The following RELB variants were observed in gnomAD, a reference collection of about 807,000 sequenced individuals.
RELB encodes transcription factor RelB.
RELB carries 14 observed loss-of-function variants against 55.4 expected under a neutral mutation model. The observed-to-expected ratio is 0.25, with a 90% CI of 0.17 to 0.40. RELB has a LOEUF of 0.40. RELB is among the 10% of genes least tolerant of loss of function. The pLI, the probability that RELB is intolerant of heterozygous loss-of-function variation, is 1.00. For synonymous variants in RELB, 409 were observed against 371.3 expected (o/e 1.10, Z -1.17); for missense variants, 669 against 830.7 (o/e 0.81, Z 2.39).
At chr19:45,010,102 C>G (rs1971331459) in intron 3 of RELB, among the ~76,000 whole-genome samples, 1 of 151,844 alleles carries the variant, frequency 6.6e-6, no homozygotes, top group East Asian at 1.9e-4. Flanking sequence ...GAGTTCAGGA[C>G]TAGCCTGGGT....
Position 45,002,974 on chromosome 19 carries a change from G to T in RELB, c.132G>T (p.Ser44=). The T allele has an allele frequency of 6.2e-7, 1 of 1,613,216 alleles. No homozygotes were observed. The highest frequency in any genetic ancestry group is 8.5e-7 in the Non-Finnish European group (1 of 1,179,672). Residue 44 remains serine, a synonymous_variant, in exon 2 of 12, where the codon TCG becomes TCT. Coordinates refer to ENST00000221452, the MANE Select transcript of RELB (RefSeq NM_006509.4). ...GGTCCCCCGACCTCTCCTCACTCTC[G>T]CTCGCCGTTTCCAGGAGCACAGGTG... is the stretch of plus-strand genomic sequence containing the variant. ...ALGSPDLSSL[S]LAVSRSTDEL...
At chr19:45,011,057 C>T (rs1327336695) in intron 3 of RELB, among the ~76,000 whole-genome samples, 3 of 152,148 alleles carry the variant, frequency 2.0e-5, no homozygotes, top group Middle Eastern at 3.4e-3. Context: ...TCACCATGTT[C>T]GCCAGGCAGG....
At chr19:45,035,447 G>T (rs35054792) in intron 11 of RELB, among the ~76,000 whole-genome samples, 1,547 of 152,162 alleles carry the variant, frequency 0.01, 38 homozygotes, top group African/African-American at 0.035. Flanking sequence ...GAACCCAGGA[G>T]GTGAAGGTTG....
At chr19:45,034,388 C>T in intron 10 of RELB, 63 bp from the exon 11 acceptor site, 2 of 1,609,118 alleles carry the variant, frequency 1.2e-6, no homozygotes, top group Non-Finnish European at 1.7e-6. Context: ...TGCCCTGTCC[C>T]ACCCCAGGCT....
intron 8 of RELB, among the ~76,000 whole-genome samples, chr19:45,029,636 G>A (rs1971597943): frequency 6.6e-6 from 1 of 152,054 alleles, no homozygotes; most frequent in South Asian, 2.1e-4. Flanking sequence ...GATCACCTGA[G>A]GTCAGGAGTT....
intron 5 of RELB, 97 bp downstream of exon 5, chr19:45,022,307 G>T: frequency 8.0e-7 from 1 of 1,250,438 alleles, no homozygotes; most frequent in Non-Finnish European, 1.1e-6. Flanking sequence ...GGGCAGCTTG[G>T]GTAAACCCTC....
chr19:45,027,212 A>C lies in RELB; in HGVS notation c.886+1475A>C, dbSNP rs990406714. ...CGCACCACTGCACTCCAGCCCGGGC[A>C]ACAGAGCGAGACTCCTTCTCAAAAA... is the stretch of plus-strand genomic sequence containing the variant. On this transcript the variant is annotated intron_variant, in intron 7 of 11. Transcript: ENST00000221452. Among the ~76,000 whole-genome samples, 4 of 147,910 alleles carry C rather than the reference A, an allele frequency of 2.7e-5. No homozygotes were observed. In the South Asian group the frequency reaches 8.9e-4, roughly 33 times the overall value.
At chr19:45,001,849 G>C (rs1971214327) in intron 1 of RELB, among the ~76,000 whole-genome samples, 164 bp downstream of exon 1, 1 of 152,222 alleles carries the variant, frequency 6.6e-6, no homozygotes, top group Non-Finnish European at 1.5e-5. Context: ...GAAGAAGGCA[G>C]AGGGTGATGA....
intron 8 of RELB, among the ~76,000 whole-genome samples, chr19:45,032,072 T>C (rs1051901241): frequency 1.0e-3 from 154 of 151,520 alleles, no homozygotes; most frequent in Admixed American, 1.7e-3. Context: ...CCCGTCTCTA[T>C]TAAAAATACA....
At chr19:45,033,859 A>ATT (rs1971655272) in intron 9 of RELB, among the ~76,000 whole-genome samples, 1 of 150,988 alleles carries the variant, frequency 6.6e-6, no homozygotes, top group Non-Finnish European at 1.5e-5. Flanking sequence ...CCATCTTTAA[A>ATT]AAAAAAAAAA....
At position 45,034,159 on chromosome 19, in the gene RELB, A is replaced by AAAAT. The variant is rs36092616; in HGVS notation, c.1208-61_1208-58dup. On this transcript the variant is annotated intron_variant, in intron 9 of 11. Transcript: ENST00000221452. ...GGTCAACAGAGCAAGACTGTCTCTA[A>AAAAT]AAATAAATAAATAAATAAATAAATA... 10,898 of 929,956 alleles carry AAAAT rather than the reference A, an allele frequency of 0.012. 678 individuals are homozygous for AAAAT. In the African/African-American group the frequency reaches 0.14, roughly 12 times the overall value. 57.6% of individuals were successfully genotyped at this position (929,956 alleles called of 1,614,324 possible). A position where few individuals can be genotyped will look rare whatever the true frequency, so the allele number is the denominator to read the frequency against.
At chr19:45,011,797 TGAGAGAGAGAGAGAGAGAGAGAGAGA>T (rs58500013) in intron 3 of RELB, 113 bp from the exon 4 acceptor site, 1 of 68,096 alleles carries the variant, frequency 1.5e-5, no homozygotes, top group African/African-American at 9.1e-5. Context: ...TGTGTGTGTG[TGAGAGAGAGAGAGAGAGAGAGAGAGA>T]GAGAGAGAGA....
chr19:45,021,953 T>C, intron 4 of RELB, 100 bp from the exon 5 acceptor site: 4 of 1,188,824 alleles, frequency 3.4e-6, no homozygotes, highest in African/African-American at 1.5e-5. Context: ...AGGACCCTAG[T>C]GGGGAGAGGA....
Position 45,011,787 on chromosome 19 carries a change from T to A in RELB, c.164-149T>A, listed in dbSNP as rs1190721992. Reference sequence around the variant, plus strand: ...GTGTGTGTGTGTGTGTGTGTGTGTGTGTGTGTGTGTGAGAGAGAGAGAGAG... The same window carrying A: ...GTGTGTGTGTGTGTGTGTGTGTGTGAGTGTGTGTGTGAGAGAGAGAGAGAG... On this transcript the variant is annotated intron_variant, in intron 3 of 11. Transcript: ENST00000221452. The A allele has an allele frequency of 4.7e-4, 157 of 333,938 alleles. No homozygotes were observed. The African/African-American group carries it at 7.6e-3, about 16-fold the overall frequency. 20.7% of individuals were successfully genotyped at this position (333,938 alleles called of 1,614,324 possible).
rs536104688 is a variant in RELB at position 45,017,221 on chromosome 19, C to G, written c.505-4832C>G. On this transcript the variant is annotated intron_variant, in intron 4 of 11. Coordinates refer to ENST00000221452, the MANE Select transcript of RELB (RefSeq NM_006509.4). ...TGCCAGCAGGGCTGAGCCAGTGACTCAAAGCTGCCAAGTGGGACTGGCCCT... is the reference window on the plus strand; with the variant it reads ...TGCCAGCAGGGCTGAGCCAGTGACTGAAAGCTGCCAAGTGGGACTGGCCCT... 2.0e-5 allele frequency among the ~76,000 whole-genome samples: 3 copies of G among 152,236 alleles called. No homozygotes were observed. The East Asian group carries it at 5.8e-4, about 29-fold the overall frequency.
chr19:45,004,701 C>T (rs1971261972), intron 2 of RELB, among the ~76,000 whole-genome samples: 2 of 151,802 alleles, frequency 1.3e-5, no homozygotes, highest in African/African-American at 4.8e-5. Context: ...AACACCATCT[C>T]TACTAAAAAT....
chr19:45,014,239 G>C (rs116518981), intron 4 of RELB, among the ~76,000 whole-genome samples: 1 of 147,880 alleles, frequency 6.8e-6, no homozygotes, highest in African/African-American at 2.5e-5. Flanking sequence ...GCACAAGCAC[G>C]GCTCACTGCA....
intron 2 of RELB, 67 bp downstream of exon 2, chr19:45,003,063 G>C: frequency 1.3e-6 from 2 of 1,483,302 alleles, no homozygotes; most frequent in Non-Finnish European, 1.8e-6. Context: ...ACTCCACAGA[G>C]ATGTCTCTGT....
intron 4 of RELB, among the ~76,000 whole-genome samples, chr19:45,018,801 C>T (rs965386156): frequency 1.1e-4 from 16 of 151,378 alleles, no homozygotes; most frequent in Non-Finnish European, 2.2e-4. Context: ...CTCAGCCTCC[C>T]GAGTAGCTGG....
Sources: gnomAD v4.1 joint callset for allele counts (sites outside exome capture counted in the v4.1 genomes callset) on GRCh38, gnomAD v4.1.1 for gene constraint, MANE v1.5 for transcripts, NCBI Gene and HGNC (gene_info 2026-07-23, HGNC 2026-07-21) for gene names.